Variants in BANP observed in about 807,000 individuals in gnomAD.
BANP encodes the protein BTG3 associated nuclear protein.
BANP carries 11 observed loss-of-function variants against 68.1 expected under a neutral mutation model. That is an observed-to-expected ratio of 0.16 (90% CI 0.10 to 0.27). The LOEUF is 0.27. Among genes scored for constraint, BANP ranks in the 10% least tolerant of loss-of-function variants. The pLI, the probability that BANP is intolerant of heterozygous loss-of-function variation, is 1.00. For synonymous variants in BANP, 329 were observed against 303.2 expected, an observed-to-expected ratio of 1.09 and a Z score of -0.88; for missense variants, 504 against 722.7, an observed-to-expected ratio of 0.70 and a Z score of 3.47.
intron 4 of BANP, among the ~76,000 whole-genome samples, chr16:87,995,762 G>C (rs927715313): frequency 1.3e-5 from 2 of 152,248 alleles, no homozygotes; most frequent in Non-Finnish European, 2.9e-5. Context: ...TGGCGTGAAT[G>C]GGAGTGGTCG....
Position 88,003,812 on chromosome 16 carries a change from G to T in BANP, c.363-483G>T, listed in dbSNP as rs1329025121. The T allele has an allele frequency of 3.2e-6, 1 of 309,532 alleles. No homozygotes were observed. The highest frequency in any genetic ancestry group is 8.8e-5 in the East Asian group (1 of 11,314). The allele number at this position is 309,532 out of a possible 1,614,324, so 19.2% of individuals were successfully genotyped here. A position where few individuals can be genotyped will look rare whatever the true frequency, so the allele number is the denominator to read the frequency against. On this transcript the variant is annotated intron_variant, in intron 4 of 13. Transcript: ENST00000682872. The surrounding 1 kb of genome is among the most constrained non-coding windows in gnomAD (Gnocchi z 6.1). The stretch of plus-strand genomic sequence containing the variant: ...TGATGTTTGCCCCTTTCTTTCCAGG[G>T]CGCTACCGTTTTGGAATGATACCAA...
chr16:87,973,527 G>A (rs553001828), intron 1 of BANP, among the ~76,000 whole-genome samples: 6 of 152,236 alleles, frequency 3.9e-5, no homozygotes, highest in African/African-American at 9.6e-5. Context: ...TTGGGAGGCC[G>A]AGGCATGCGG....
Position 88,057,830 on chromosome 16 carries a change from C to T in BANP, c.1312-7437C>T, listed in dbSNP as rs528729555. The stretch of plus-strand genomic sequence containing the variant: ...GGACTCCAGGGCAAGTGGTGCTGGC[C>T]GGATGCCCACAGTGAGGAGGTGCGG... On this transcript the variant is annotated intron_variant, in intron 11 of 13. Transcript: ENST00000682872. The surrounding 1 kb of genome is among the most constrained non-coding windows in gnomAD (Gnocchi z 4.6). 3.1e-4 allele frequency among the ~76,000 whole-genome samples: 47 copies of T among 152,024 alleles called. No individual in the cohort carries two copies. Among genetic ancestry groups the T allele is most frequent in the African/African-American group, 8.4e-4 (35 of 41,462 alleles).
At chr16:88,072,844 C>T (rs1176475208) in intron 13 of BANP, among the ~76,000 whole-genome samples, 1 of 152,208 alleles carries the variant, frequency 6.6e-6, no homozygotes, top group East Asian at 1.9e-4. Context: ...GTCTTGGCCC[C>T]GCAGCCTCCG....
At chr16:88,070,708 A>G (rs978149304) in intron 12 of BANP, among the ~76,000 whole-genome samples, 1 of 152,144 alleles carries the variant, frequency 6.6e-6, no homozygotes, top group African/African-American at 2.4e-5. Flanking sequence ...GTAGATGCTC[A>G]CTGAAGATGG....
chr16:87,997,108 G>A (rs1327529930), intron 4 of BANP, among the ~76,000 whole-genome samples: 1 of 152,178 alleles, frequency 6.6e-6, no homozygotes, highest in Non-Finnish European at 1.5e-5. Context: ...GAAAATGTTT[G>A]CCATGACAGC....
chr16:87,967,963 A>G (rs1393768940), intron 1 of BANP, among the ~76,000 whole-genome samples: 7 of 147,338 alleles, frequency 4.8e-5, no homozygotes, highest in African/African-American at 1.5e-4. Flanking sequence ...CGTGTTGGTC[A>G]GGCTGGTCTC....
At chr16:88,024,669 C>G (rs1018823091) in intron 7 of BANP, among the ~76,000 whole-genome samples, 5 of 152,264 alleles carry the variant, frequency 3.3e-5, no homozygotes, top group Admixed American at 3.3e-4. Flanking sequence ...CCACTGCACT[C>G]TGCGGGCAGC....
At chr16:87,972,191 CT>C (rs1567620454) in intron 1 of BANP, among the ~76,000 whole-genome samples, 1 of 151,988 alleles carries the variant, frequency 6.6e-6, no homozygotes, top group Admixed American at 6.6e-5. Flanking sequence ...TCTTTCATTT[CT>C]TTTTTATTCT....
intron 1 of BANP, among the ~76,000 whole-genome samples, chr16:87,969,333 G>C (rs532986594): frequency 6.6e-6 from 1 of 152,250 alleles, no homozygotes; most frequent in African/African-American, 2.4e-5. Context: ...GCCAGGTTAA[G>C]GGCTGTGGCC....
At chr16:87,970,933 C>A (rs11640366) in intron 1 of BANP, among the ~76,000 whole-genome samples, 52,761 of 150,884 alleles carry the variant, frequency 0.35, 10,442 homozygotes, top group Non-Finnish European at 0.47. Flanking sequence ...TGGAGAATCG[C>A]TTGAACCCAG....
At chr16:87,969,048 A>C (rs1215749025) in intron 1 of BANP, among the ~76,000 whole-genome samples, 1 of 152,144 alleles carries the variant, frequency 6.6e-6, no homozygotes, top group Non-Finnish European at 1.5e-5. Context: ...AAAATAAAGC[A>C]TGTCGTCTGC....
At chr16:87,974,831 A>G (rs2061725693) in intron 1 of BANP, among the ~76,000 whole-genome samples, 1 of 152,196 alleles carries the variant, frequency 6.6e-6, no homozygotes, top group Non-Finnish European at 1.5e-5. Context: ...TGGCTCGTCC[A>G]GTGGTTAAGG....
intron 1 of BANP, among the ~76,000 whole-genome samples, chr16:87,972,751 C>T (rs1489284935): frequency 6.6e-6 from 1 of 152,156 alleles, no homozygotes; most frequent in Non-Finnish European, 1.5e-5. Flanking sequence ...AATGAGCTTT[C>T]ATGTTCCTTT....
chr16:88,035,085 G>A, intron 9 of BANP: 1 of 519,986 alleles, frequency 1.9e-6, no homozygotes, highest in East Asian at 3.4e-5. Context: ...CACAGTTTCT[G>A]GCGTCCACGT....
chr16:87,988,388 T>C (rs2065003760), intron 4 of BANP, among the ~76,000 whole-genome samples: 1 of 151,930 alleles, frequency 6.6e-6, no homozygotes, highest in Non-Finnish European at 1.5e-5. Context: ...CTCAGCCTCC[T>C]GAGTAGCTGG....
intron 1 of BANP, among the ~76,000 whole-genome samples, chr16:87,953,519 A>G (rs893463838): frequency 2.0e-5 from 3 of 152,182 alleles, no homozygotes; most frequent in African/African-American, 7.2e-5. Flanking sequence ...GATATTTTGT[A>G]TTACACAGCC....
intron 12 of BANP, among the ~76,000 whole-genome samples, chr16:88,067,668 C>G (rs78206394): frequency 5.9e-5 from 9 of 152,106 alleles, no homozygotes; most frequent in Non-Finnish European, 1.2e-4. Context: ...CCCAGCCCCC[C>G]CTGCACCCCA....
chr16:88,057,781 G>T lies in BANP; in HGVS notation c.1312-7486G>T, dbSNP rs1461641098. On this transcript the variant is annotated intron_variant, in intron 11 of 13. Transcript: ENST00000682872. This position sits in a 1 kb window ranked among gnomAD's most constrained non-coding sequence, Gnocchi z 4.6. Reference sequence around the variant, plus strand: ...GGGGGGGGGGTGCGTGCAGTGACTCGCGCTGGCCCTGTCCCCGCACCCTGG... The same window carrying T: ...GGGGGGGGGGTGCGTGCAGTGACTCTCGCTGGCCCTGTCCCCGCACCCTGG... Among the ~76,000 whole-genome samples the T allele has an allele frequency of 6.6e-6, 1 of 151,344 alleles. No individual in the cohort carries two copies. The highest frequency in any genetic ancestry group is 1.5e-5 in the Non-Finnish European group (1 of 67,916).
Sources: gnomAD v4.1 joint callset for allele counts (sites outside exome capture counted in the v4.1 genomes callset) on GRCh38, gnomAD v4.1.1 for gene constraint, Gnocchi (gnomAD v3.1) non-coding constraint, MANE v1.5 for transcripts, NCBI Gene and HGNC (gene_info 2026-07-23, HGNC 2026-07-21) for gene names.